PDE10A: variants seen among roughly 807,000 people sequenced by gnomAD.
The protein encoded by PDE10A is cAMP and cAMP-inhibited cGMP 3',5'-cyclic phosphodiesterase 10A.
In PDE10A, 39 loss-of-function variants were observed where a neutral mutation model predicts 97.7. That is an observed-to-expected ratio of 0.40 (90% CI 0.31 to 0.52). PDE10A has a LOEUF of 0.52. Ranked by LOEUF, PDE10A falls within the 20% of genes least tolerant of loss-of-function variation. The pLI is 0.56. For synonymous variants in PDE10A, 371 were observed against 376.8 expected (o/e 0.98, Z 0.18); for missense variants, 731 against 1,047.8 (o/e 0.70, Z 4.17).
chr6:165,580,644 G>A (rs1583580946), intron 1 of PDE10A, among the ~76,000 whole-genome samples: 1 of 152,208 alleles, frequency 6.6e-6, no homozygotes, highest in South Asian at 2.1e-4. Context: ...AATATGGAGA[G>A]AGTGGTGAAT....
chr6:165,371,120 G>C (rs2128201132), intron 18 of PDE10A, among the ~76,000 whole-genome samples: 1 of 150,738 alleles, frequency 6.6e-6, no homozygotes, highest in African/African-American at 2.5e-5. Flanking sequence ...GCCCACAAGA[G>C]AAAGCAGGAA....
At chr6:165,337,258 T>C (rs1307479743) in intron 20 of PDE10A, among the ~76,000 whole-genome samples, 1 of 152,212 alleles carries the variant, frequency 6.6e-6, no homozygotes, top group Non-Finnish European at 1.5e-5. Flanking sequence ...ATAACACAGC[T>C]TGTCTAGTCA....
intron 1 of PDE10A, among the ~76,000 whole-genome samples, chr6:165,717,234 C>T (rs113310282): frequency 0.01 from 1,597 of 152,298 alleles, 30 homozygotes; most frequent in African/African-American, 0.037. Context: ...TGTATATCCA[C>T]TCCTCCACTG....
At chr6:165,926,156 G>T (rs1289108948) in intron 1 of PDE10A, among the ~76,000 whole-genome samples, 1 of 152,224 alleles carries the variant, frequency 6.6e-6, no homozygotes, top group Non-Finnish European at 1.5e-5. Context: ...CTGGCAAGGT[G>T]AGGTGAATGA....
At chr6:165,357,617 T>G (rs1435036251) in intron 18 of PDE10A, among the ~76,000 whole-genome samples, 1 of 152,102 alleles carries the variant, frequency 6.6e-6, no homozygotes, top group Non-Finnish European at 1.5e-5. Context: ...TCTCAAAAAA[T>G]TTATCCGGTT....
chr6:165,805,082 G>A (rs1331779987), intron 1 of PDE10A, among the ~76,000 whole-genome samples: 2 of 149,958 alleles, frequency 1.3e-5, no homozygotes, highest in Admixed American at 6.6e-5. Flanking sequence ...GGCGTACGGA[G>A]GGGCAGCGGG....
chr6:165,703,041 TTAGAGG>T (rs1791619809), intron 1 of PDE10A, among the ~76,000 whole-genome samples: 2 of 152,232 alleles, frequency 1.3e-5, no homozygotes, highest in Non-Finnish European at 2.9e-5. Flanking sequence ...TCGGCATCTC[TTAGAGG>T]TAAAGTATGC....
intron 1 of PDE10A, among the ~76,000 whole-genome samples, chr6:165,873,457 A>G (rs1274223514): frequency 4.6e-5 from 7 of 152,346 alleles, no homozygotes; most frequent in Middle Eastern, 6.8e-3. Flanking sequence ...TAAAACAGTG[A>G]TAATTTGTAA....
At chr6:165,363,335 T>C (rs1165194140) in intron 18 of PDE10A, among the ~76,000 whole-genome samples, 1 of 150,804 alleles carries the variant, frequency 6.6e-6, no homozygotes, top group East Asian at 1.9e-4. Flanking sequence ...GTCAAGATGG[T>C]GAAACCCCGT....
intron 1 of PDE10A, among the ~76,000 whole-genome samples, chr6:165,767,965 TA>T (rs1777908243): frequency 6.6e-6 from 1 of 152,244 alleles, no homozygotes; most frequent in African/African-American, 2.4e-5. Context: ...GTGTTTTTTT[TA>T]AAAACCATCC....
intron 1 of PDE10A, among the ~76,000 whole-genome samples, chr6:165,915,367 A>G (rs77115062): frequency 2.9e-3 from 442 of 152,348 alleles, no homozygotes; most frequent in African/African-American, 0.01. Context: ...ATAAAATATT[A>G]AAACCTGATA....
intron 1 of PDE10A, among the ~76,000 whole-genome samples, chr6:165,556,446 T>C (rs529630347): frequency 1.3e-5 from 2 of 152,352 alleles, no homozygotes; most frequent in East Asian, 3.9e-4. Context: ...CTTCTTTGTA[T>C]TGTGACATAG....
At chr6:165,644,096 C>T (rs1343347847) in intron 1 of PDE10A, among the ~76,000 whole-genome samples, 1 of 152,182 alleles carries the variant, frequency 6.6e-6, no homozygotes, top group African/African-American at 2.4e-5. Context: ...CCCTCTGTCG[C>T]CCAGGCTGGA....
intron 1 of PDE10A, among the ~76,000 whole-genome samples, chr6:165,716,866 C>A (rs1002636061): frequency 6.6e-6 from 1 of 152,134 alleles, no homozygotes; most frequent in African/African-American, 2.4e-5. Context: ...ACATAAAATT[C>A]ATCATTGTAA....
chr6:165,457,297 A>G (rs9364795), intron 3 of PDE10A, among the ~76,000 whole-genome samples: 78,706 of 151,942 alleles, frequency 0.52, 20,707 homozygotes, highest in Middle Eastern at 0.61. Context: ...TATACTGGGC[A>G]TCACTGCAGC....
intron 1 of PDE10A, among the ~76,000 whole-genome samples, chr6:165,624,988 A>T (rs1217148973): frequency 6.6e-6 from 1 of 152,206 alleles, no homozygotes; most frequent in African/African-American, 2.4e-5. Flanking sequence ...TTTGCTATGC[A>T]GTGTGTTCAG....
rs370108144 is a variant in PDE10A, at chr6:165,356,082, A to C, written c.2784-12580T>G. ...AGTGGGAGGTGCCACACACTTTCAA[A>C]CAACCAGATCTGGGTGAGAATTCAT... On this transcript the variant is annotated intron_variant, in intron 18 of 21. Transcript: ENST00000539869. 1.4e-3 allele frequency among the ~76,000 whole-genome samples: 215 copies of C among 152,220 alleles called. 1 individual carries two copies. The highest frequency in any genetic ancestry group is 4.9e-3 in the African/African-American group (203 of 41,542).
intron 1 of PDE10A, among the ~76,000 whole-genome samples, chr6:165,806,796 A>G (rs1779155314): frequency 6.6e-6 from 1 of 152,210 alleles, no homozygotes; most frequent in Admixed American, 6.5e-5. Flanking sequence ...ACTGAGGAGA[A>G]ATCATCTGGA....
At chr6:165,362,473 A>C (rs1783484542) in intron 18 of PDE10A, among the ~76,000 whole-genome samples, 1 of 152,222 alleles carries the variant, frequency 6.6e-6, no homozygotes, top group South Asian at 2.1e-4. Flanking sequence ...AAAATGGACA[A>C]ATTTCTAGAA....
Sources: gnomAD v4.1 joint callset for allele counts (sites outside exome capture counted in the v4.1 genomes callset) on GRCh38, gnomAD v4.1.1 for gene constraint, MANE v1.5 for transcripts, NCBI Gene and HGNC (gene_info 2026-07-23, HGNC 2026-07-21) for gene names.